Variants in GCFC2 observed in about 807,000 individuals in gnomAD.
The protein encoded by GCFC2 is GC-rich sequence DNA-binding factor 2.
A neutral mutation model predicts 99.4 loss-of-function variants in GCFC2; 102 were observed. The ratio of observed to expected loss-of-function variants is 1.03; its 90% CI spans 0.87 to 1.21. The LOEUF is 1.21. GCFC2 is among the 50% of genes most tolerant of loss of function. The pLI is 0.00. For synonymous variants in GCFC2, 338 were observed against 316.8 expected, an observed-to-expected ratio of 1.07 and a Z score of -0.71; for missense variants, 973 against 920.9, an observed-to-expected ratio of 1.06 and a Z score of -0.73.
chr2:75,663,622 G>C lies in GCFC2; in HGVS notation c.*1044C>G, dbSNP rs1347447174. On this transcript the variant is annotated 3_prime_UTR_variant, in exon 17 of 17. Transcript: ENST00000321027. Reference sequence around the variant, plus strand: ...GCCTGTAATCCCAGCACTTTGGGAGGTCAAGGTGGGTAGACTGCTTGAGCT... The same window carrying C: ...GCCTGTAATCCCAGCACTTTGGGAGCTCAAGGTGGGTAGACTGCTTGAGCT... The C allele has an allele frequency of 6.6e-6, 1 of 152,202 alleles. No individual in the cohort carries two copies. The highest frequency in any genetic ancestry group is 2.4e-5 in the African/African-American group (1 of 41,456). The allele number at this position is 152,202 out of a possible 1,614,324, so 9.4% of individuals were successfully genotyped here. A position where few individuals can be genotyped will look rare whatever the true frequency, so the allele number is the denominator to read the frequency against.
chr2:75,692,800 C>T (rs1215572944), intron 6 of GCFC2, among the ~76,000 whole-genome samples: 3 of 151,810 alleles, frequency 2.0e-5, no homozygotes, highest in Non-Finnish European at 4.4e-5. Flanking sequence ...GGTGGGGGCA[C>T]TCAAAGCTGG....
intron 6 of GCFC2, among the ~76,000 whole-genome samples, chr2:75,692,806 G>A (rs567568539): frequency 7.9e-5 from 12 of 152,188 alleles, no homozygotes; most frequent in African/African-American, 2.9e-4. Flanking sequence ...GGCACTCAAA[G>A]CTGGTGAAAT....
In GCFC2 at chr2:75,702,288, T is replaced by G; in HGVS notation, c.530A>C (p.Asp177Ala). Reference protein sequence around the residue: ...ISGMKRESEDDPESEPDDHEK... With the variant: ...ISGMKRESEDAPESEPDDHEK... ...ATGGTCATCAGGCTCACTCTCAGGG[T>G]CATCTTCGCTCTCTCTCTTCATACC... Residue 177 changes from aspartate (D) to alanine (A), a missense_variant, in exon 3 of 17, where the codon GAC becomes GCC. By Grantham distance (126) the Asp-to-Ala change is moderately radical. Coordinates refer to ENST00000321027, the MANE Select transcript of GCFC2 (RefSeq NM_003203.5). The G allele has an allele frequency of 6.2e-7, 1 of 1,613,734 alleles. No homozygotes were observed. Among genetic ancestry groups the G allele is most frequent in the Admixed American group, 1.7e-5 (1 of 60,016 alleles).
Position 75,706,561 on chromosome 2 carries a change from C to CT in GCFC2, c.355dup (p.Ser119LysfsTer3). ...TTCTTTTTCTCCAAGAGAGCTAGAACTGTCAGAAGACAAACCCTGATCATC... is the reference window on the plus strand; with the variant it reads ...TTCTTTTTCTCCAAGAGAGCTAGAACTTGTCAGAAGACAAACCCTGATCATC... On this transcript the variant is annotated frameshift_variant, in exon 2 of 17. Coordinates refer to ENST00000321027, the MANE Select transcript of GCFC2 (RefSeq NM_003203.5). LOFTEE classifies it high-confidence loss of function. The CT allele has an allele frequency of 6.2e-7, 1 of 1,604,650 alleles. No homozygotes were observed. The highest frequency in any genetic ancestry group is 1.3e-5 in the African/African-American group (1 of 74,866).
intron 15 of GCFC2, 151 bp downstream of exon 15, chr2:75,669,987 A>G (rs1260329543): frequency 2.0e-6 from 1 of 495,406 alleles, no homozygotes; most frequent in Non-Finnish European, 3.6e-6. Context: ...AGCCTCCCAA[A>G]GTGCTGGGAT....
chr2:75,692,161 ATATATAT>A (rs1182305979), intron 6 of GCFC2, 61 bp from the exon 7 acceptor site: 5 of 473,402 alleles, frequency 1.1e-5, no homozygotes, highest in Non-Finnish European at 1.7e-5. Context: ...ATATATATAT[ATATATAT>A]ATAAAAGTAA....
rs777007435 is a variant in GCFC2, at chr2:75,664,675, TTTAA to T, written c.2333_2336del (p.Ile778LysfsTer5). The T allele has an allele frequency of 1.3e-5, 18 of 1,359,926 alleles. No homozygotes were observed. The African/African-American group carries it at 1.4e-4, about 11-fold the overall frequency. 84.2% of individuals were successfully genotyped at this position (1,359,926 alleles called of 1,614,324 possible). A position where few individuals can be genotyped will look rare whatever the true frequency, so the allele number is the denominator to read the frequency against. ...TTCCAATAAAGTTTATTCAATCTTC[TTTAA>T]TTAGTGATTTAAGATGGTCTAGGTG... On this transcript the variant is annotated frameshift_variant, in exon 17 of 17. Transcript: ENST00000321027. LOFTEE classifies it high-confidence loss of function.
At chr2:75,697,373 A>C (rs1025632449) in intron 4 of GCFC2, among the ~76,000 whole-genome samples, 2 of 152,246 alleles carry the variant, frequency 1.3e-5, no homozygotes, top group African/African-American at 4.8e-5. Context: ...AGCTCTACGC[A>C]TATCTACAAA....
intron 11 of GCFC2, among the ~76,000 whole-genome samples, chr2:75,683,106 A>G (rs1014070101): frequency 1.3e-5 from 2 of 151,726 alleles, no homozygotes; most frequent in African/African-American, 4.9e-5. Flanking sequence ...CCACAAAGAT[A>G]CTCCTCGAGA....
At chr2:75,690,599 C>A in intron 8 of GCFC2, 39 bp downstream of exon 8, 2 of 911,316 alleles carry the variant, frequency 2.2e-6, no homozygotes, top group South Asian at 2.8e-5. Flanking sequence ...AGTACTTGCT[C>A]AATGATGCTT....
intron 12 of GCFC2, among the ~76,000 whole-genome samples, chr2:75,677,294 ATG>A (rs1679385389): frequency 6.6e-6 from 1 of 152,206 alleles, no homozygotes; most frequent in Admixed American, 6.5e-5. Context: ...AACAGAAACT[ATG>A]TTGTCTGACT....
At chr2:75,702,502 A>G (rs1216514611) in intron 2 of GCFC2, 79 bp from the exon 3 acceptor site, 6 of 1,145,938 alleles carry the variant, frequency 5.2e-6, no homozygotes, top group Non-Finnish European at 7.3e-6. Context: ...GAAAAAGAAA[A>G]AAGCACCATT....
chr2:75,682,811 A>G lies in GCFC2; in HGVS notation c.1691-2497T>C, dbSNP rs183897745. Among the ~76,000 whole-genome samples the G allele has an allele frequency of 2.7e-3, 407 of 152,048 alleles. 12 individuals are homozygous for G. The highest frequency in any genetic ancestry group is 9.5e-3 in the African/African-American group (393 of 41,296). On this transcript the variant is annotated intron_variant, in intron 11 of 16. Coordinates refer to ENST00000321027, the MANE Select transcript of GCFC2 (RefSeq NM_003203.5). ...TGTCGTGAAGCATACACAGGTATCA[A>G]TAGCTGAATCGATCAAGTGGAAGAA... is the stretch of plus-strand genomic sequence containing the variant.
chr2:75,664,692 G>C lies in GCFC2; in HGVS notation c.2320C>G (p.Leu774Val). The change falls in exon 17 of 17, where the codon CTT becomes GTT. Residue 774 changes from leucine (L) to valine (V), a missense_variant. Transcript: ENST00000321027. The stretch of plus-strand genomic sequence containing the variant: ...CAATCTTCTTTAATTAGTGATTTAA[G>C]ATGGTCTAGGTGATGCTCTCCTATG... ...SFIGEHHLDH[L>V]KSLIKED is the part of the protein sequence containing the mutation. 1 of 1,480,456 alleles carries C rather than the reference G, an allele frequency of 6.8e-7. No homozygotes were observed. The highest frequency in any genetic ancestry group is 9.4e-7 in the Non-Finnish European group (1 of 1,063,538). 91.7% of individuals were successfully genotyped at this position (1,480,456 alleles called of 1,614,324 possible).
chr2:75,710,770 G>A lies in GCFC2; in HGVS notation c.86C>T (p.Pro29Leu). The change falls in exon 1 of 17, where the codon CCT becomes CTT. Residue 29 changes from proline to leucine, a missense_variant. By Grantham distance (98) the Pro-to-Leu change is moderately conservative (BLOSUM62 -3). Coordinates refer to ENST00000321027, the MANE Select transcript of GCFC2 (RefSeq NM_003203.5). ...GACCGGAAGTTCCCTCGGCGCCCCA[G>A]GCTCAGCAGGCGACTCCTCGGCGCC... ...SDGAEESPAE[P>L]GAPRELPVPG... is the part of the protein sequence containing the mutation. 4.5e-6 allele frequency: 7 copies of A among 1,572,226 alleles called. No homozygotes were observed. The highest frequency in any genetic ancestry group is 6.0e-6 in the Non-Finnish European group (7 of 1,163,890).
chr2:75,682,901 G>C (rs1470367991), intron 11 of GCFC2, among the ~76,000 whole-genome samples: 1 of 151,754 alleles, frequency 6.6e-6, no homozygotes, highest in Non-Finnish European at 1.5e-5. Context: ...AGAGAAAAAA[G>C]TGAAAAGAAA....
chr2:75,684,754 C>T (rs1679737495), intron 11 of GCFC2, among the ~76,000 whole-genome samples: 1 of 152,198 alleles, frequency 6.6e-6, no homozygotes, highest in African/African-American at 2.4e-5. Context: ...GACACATGCA[C>T]ATGTATGTTT....
chr2:75,679,183 A>C (rs1435305012), intron 12 of GCFC2, among the ~76,000 whole-genome samples: 2 of 152,234 alleles, frequency 1.3e-5, no homozygotes, highest in East Asian at 1.9e-4. Flanking sequence ...TCTTGAAGGC[A>C]GAATTAGGCT....
rs1441477197 is a variant in GCFC2 at position 75,662,774 on chromosome 2, T to G, written c.*1892A>C. ...AGGTAGGAAAGTTTCTGTGCTGAAC[T>G]TAAATATATAAAGGAACACGTCCAA... On this transcript the variant is annotated 3_prime_UTR_variant, in exon 17 of 17. Transcript: ENST00000321027. 5 of 152,078 alleles carry G rather than the reference T, an allele frequency of 3.3e-5. No individual in the cohort carries two copies. Among genetic ancestry groups the G allele is most frequent in the African/African-American group, 1.2e-4 (5 of 41,414 alleles). The allele number at this position is 152,078 out of a possible 1,614,324, so 9.4% of individuals were successfully genotyped here.
Sources: gnomAD v4.1 joint callset for allele counts (sites outside exome capture counted in the v4.1 genomes callset) on GRCh38, gnomAD v4.1.1 for gene constraint, MANE v1.5 for transcripts, NCBI Gene and HGNC (gene_info 2026-07-23, HGNC 2026-07-21) for gene names.